GALNT13: variants seen among roughly 807,000 people sequenced by gnomAD.
The protein encoded by GALNT13 is polypeptide N-acetylgalactosaminyltransferase 13.
In GALNT13, 28 loss-of-function variants were observed where a neutral mutation model predicts 64.2. That is an observed-to-expected ratio of 0.44 (90% CI 0.32 to 0.60). The LOEUF (loss-of-function observed/expected upper bound fraction) is 0.60, where lower values mean the gene tolerates loss of function less well. Among genes scored for constraint, GALNT13 ranks in the 20% least tolerant of loss-of-function variants. The probability of loss-of-function intolerance (pLI) is 0.05; values close to 1 mark genes in which losing one functional copy is unlikely to be tolerated. For missense variants in GALNT13, 577 were observed against 669.8 expected (o/e 0.86, Z 1.53); for synonymous variants, 214 against 224.6 (o/e 0.95, Z 0.42).
chr2:153,484,993 C>T, the GALNT13 span, among the ~76,000 whole-genome samples: 1 of 152,136 alleles, frequency 6.6e-6, no homozygotes, highest in South Asian at 2.1e-4. Flanking sequence ...AAAGACTGTT[C>T]TTGAGCACCA....
At chr2:153,948,909 C>T (rs972707737) in intron 3 of GALNT13, among the ~76,000 whole-genome samples, 4 of 151,972 alleles carry the variant, frequency 2.6e-5, no homozygotes, top group Non-Finnish European at 4.4e-5. Flanking sequence ...CCTAATACCT[C>T]GGTGATGAAT....
intron 9 of GALNT13, among the ~76,000 whole-genome samples, chr2:154,353,239 C>T (rs964955387): frequency 7.9e-5 from 12 of 151,886 alleles, no homozygotes; most frequent in African/African-American, 2.4e-4. Flanking sequence ...TTCATGGAAC[C>T]CCTGTATAGT....
At chr2:153,166,588 T>C in the GALNT13 span, among the ~76,000 whole-genome samples, 1 of 151,472 alleles carries the variant, frequency 6.6e-6, no homozygotes, top group East Asian at 2.0e-4. Flanking sequence ...TTAAGCTGCT[T>C]TTAAGCTAAT....
chr2:153,613,936 C>T, the GALNT13 span, among the ~76,000 whole-genome samples: 3 of 151,908 alleles, frequency 2.0e-5, no homozygotes, highest in Non-Finnish European at 4.4e-5. Flanking sequence ...GGGTGCAGCA[C>T]ACCAACATGG....
chr2:153,254,766 T>C, the GALNT13 span, among the ~76,000 whole-genome samples: 4 of 152,214 alleles, frequency 2.6e-5, no homozygotes, highest in Non-Finnish European at 1.5e-5. Flanking sequence ...AGTTTCCATG[T>C]AGTTGAGTGG....
In GALNT13 at chr2:153,877,523, T is replaced by C. The variant is rs186779103; in HGVS notation, c.-177+5220T>C. Among the ~76,000 whole-genome samples, 534 of 152,284 alleles carry C rather than the reference T, an allele frequency of 3.5e-3. 2 individuals carry two copies. The highest frequency in any genetic ancestry group is 0.012 in the African/African-American group (515 of 41,576). On this transcript the variant is annotated intron_variant, in intron 1 of 12. Transcript: ENST00000392825. ...TGTCAACTTAGTCTCTTGTCTTATATTAATTGCCTTGATATTACAAGCAAA... is the reference window on the plus strand; with the variant it reads ...TGTCAACTTAGTCTCTTGTCTTATACTAATTGCCTTGATATTACAAGCAAA...
chr2:154,098,426 C>T (rs1188649096), intron 3 of GALNT13, among the ~76,000 whole-genome samples: 2 of 151,582 alleles, frequency 1.3e-5, no homozygotes, highest in Non-Finnish European at 2.9e-5. Flanking sequence ...TCTTATTTTT[C>T]AATGAAAATG....
chr2:153,233,082 T>C, the GALNT13 span, among the ~76,000 whole-genome samples: 7 of 152,204 alleles, frequency 4.6e-5, no homozygotes, highest in African/African-American at 1.7e-4. Context: ...AAATACACTT[T>C]TTGTTTGGCT....
At chr2:154,387,173 A>G (rs707043) in intron 9 of GALNT13, among the ~76,000 whole-genome samples, 61,349 of 151,866 alleles carry the variant, frequency 0.4, 12,818 homozygotes, top group African/African-American at 0.51. Flanking sequence ...ATTTGTATGG[A>G]CATAGGGAAT....
the GALNT13 span, among the ~76,000 whole-genome samples, chr2:153,423,927 C>A: frequency 1.3e-5 from 2 of 151,004 alleles, no homozygotes; most frequent in East Asian, 3.9e-4. Context: ...TTATGTTAGA[C>A]TATAAAGTGC....
chr2:153,726,292 A>G, the GALNT13 span, among the ~76,000 whole-genome samples: 40 of 152,256 alleles, frequency 2.6e-4, no homozygotes, highest in African/African-American at 9.1e-4. Flanking sequence ...TGTTAAGTCA[A>G]CGCTGTCTTT....
chr2:154,169,962 A>C (rs570678634), intron 4 of GALNT13, among the ~76,000 whole-genome samples: 30 of 152,268 alleles, frequency 2.0e-4, no homozygotes, highest in African/African-American at 7.0e-4. Flanking sequence ...TGCTGCAAGG[A>C]AGAAACTTCA....
At chr2:153,793,766 GA>G in the GALNT13 span, among the ~76,000 whole-genome samples, 2 of 151,870 alleles carry the variant, frequency 1.3e-5, no homozygotes, top group African/African-American at 4.8e-5. Flanking sequence ...AGGGTACAAT[GA>G]AAGGGAAATA....
chr2:153,175,664 G>A, the GALNT13 span, among the ~76,000 whole-genome samples: 1 of 152,044 alleles, frequency 6.6e-6, no homozygotes, highest in African/African-American at 2.4e-5. Flanking sequence ...TCTGCTTTCA[G>A]GTAGAAACAC....
At chr2:154,260,547 T>A (rs1271898995) in intron 8 of GALNT13, among the ~76,000 whole-genome samples, 1 of 152,176 alleles carries the variant, frequency 6.6e-6, no homozygotes, top group African/African-American at 2.4e-5. Flanking sequence ...TTTTTGCATT[T>A]GTCTATATGC....
the GALNT13 span, among the ~76,000 whole-genome samples, chr2:153,497,432 G>C: frequency 1.3e-4 from 19 of 148,556 alleles, no homozygotes; most frequent in East Asian, 3.8e-3. Context: ...ATTGGTGCTT[G>C]ACACACAGAA....
the GALNT13 span, among the ~76,000 whole-genome samples, chr2:153,399,925 C>T: frequency 6.6e-6 from 1 of 151,606 alleles, no homozygotes; most frequent in Non-Finnish European, 1.5e-5. Context: ...TTTCCTTCTG[C>T]TGCCTAATTG....
the GALNT13 span, among the ~76,000 whole-genome samples, chr2:153,189,674 A>G: frequency 6.6e-6 from 1 of 152,172 alleles, no homozygotes; most frequent in Non-Finnish European, 1.5e-5. Context: ...AGAAATCTCC[A>G]TACAGTGATT....
At chr2:153,648,995 G>A in the GALNT13 span, among the ~76,000 whole-genome samples, 25 of 152,246 alleles carry the variant, frequency 1.6e-4, no homozygotes, top group African/African-American at 5.8e-4. Context: ...GAGTTAGGGA[G>A]GATTCCCTCT....
Sources: allele counts gnomAD v4.1 joint callset (sites outside exome capture counted in the v4.1 genomes callset), GRCh38; gene constraint gnomAD v4.1.1; transcripts MANE v1.5; gene names NCBI Gene and HGNC (gene_info 2026-07-23, HGNC 2026-07-21).